Variants in NEFL observed in about 807,000 individuals in gnomAD.
The protein encoded by NEFL is neurofilament light chain.
Under a neutral mutation model 51.6 loss-of-function variants are expected in NEFL, and 36 were observed. The observed-to-expected ratio is 0.70, with a 90% confidence interval of 0.53 to 0.92. NEFL has a LOEUF of 0.92. Ranked by LOEUF, NEFL falls within the 40% of genes least tolerant of loss-of-function variation. The pLI is 0.00. For missense variants in NEFL, 671 were observed against 722.0 expected, an observed-to-expected ratio of 0.93 and a Z score of 0.81; for synonymous variants, 332 against 302.5, an observed-to-expected ratio of 1.10 and a Z score of -1.01.
chr8:24,953,682 T>C lies in NEFL; in HGVS notation c.1283A>G (p.Gln428Arg). The C allele has an allele frequency of 1.2e-6, 2 of 1,613,998 alleles. No homozygotes were observed. Among genetic ancestry groups the C allele is most frequent in the Non-Finnish European group, 1.7e-6 (2 of 1,179,884 alleles). Reference sequence around the variant, plus strand: ...GGTGGACATCAGATAGGAGCTGGTCTGTAAACCGCCGTAGGCAGATCGGCC... The same window carrying C: ...GGTGGACATCAGATAGGAGCTGGTCCGTAAACCGCCGTAGGCAGATCGGCC... Reference protein sequence around the residue: ...VFGRSAYGGLQTSSYLMSTRS... With the variant: ...VFGRSAYGGLRTSSYLMSTRS... The change falls in exon 3 of 4, where the codon CAG becomes CGG. Residue 428 changes from glutamine to arginine, a missense_variant. Coordinates refer to ENST00000610854, the MANE Select transcript of NEFL (RefSeq NM_006158.5).
In NEFL at chr8:24,951,718, A is replaced by C. The variant is rs779544077; in HGVS notation, c.*1092T>G. ...TGAGGCAACAGAATTACGCTTAACA[A>C]CACACTAAATCATGAGCTCAGGATT... On this transcript the variant is annotated 3_prime_UTR_variant, in exon 4 of 4. Coordinates refer to ENST00000610854, the MANE Select transcript of NEFL (RefSeq NM_006158.5). 6 of 152,668 alleles carry C rather than the reference A, an allele frequency of 3.9e-5. No individual in the cohort carries two copies. Among genetic ancestry groups the C allele is most frequent in the Non-Finnish European group, 7.3e-5 (5 of 68,040 alleles). 9.5% of individuals were successfully genotyped at this position (152,668 alleles called of 1,614,324 possible).
chr8:24,956,497 C>A lies in NEFL; in HGVS notation c.19G>T (p.Glu7Ter). The A allele has an allele frequency of 1.9e-6, 3 of 1,598,784 alleles. No individual in the cohort carries two copies. Among genetic ancestry groups the A allele is most frequent in the Non-Finnish European group, 2.6e-6 (3 of 1,173,970 alleles). Residue 7 changes from glutamate (E) to a stop codon, truncating the protein, a stop_gained, in exon 1 of 4, where the codon GAG becomes TAG. Coordinates refer to ENST00000610854, the MANE Select transcript of NEFL (RefSeq NM_006158.5). LOFTEE classifies it high-confidence loss of function. This position sits in a 1 kb window ranked among gnomAD's most constrained non-coding sequence, Gnocchi z 5.9. Reference protein sequence around the residue: MSSFSYEPYYSTSYKRR... With the variant: MSSFSY ...TTGTAGGAGGTCGAGTAGTACGGCTCGTAGCTGAAGGAACTCATGGTGGCG... is the reference window on the plus strand; with the variant it reads ...TTGTAGGAGGTCGAGTAGTACGGCTAGTAGCTGAAGGAACTCATGGTGGCG...
chr8:24,953,087 C>T, intron 3 of NEFL, 135 bp from the exon 4 acceptor site: 1 of 1,088,564 alleles, frequency 9.2e-7, no homozygotes, highest in Non-Finnish European at 1.3e-6. Context: ...TCTCCAAAAG[C>T]ACATGTAACA....
At position 24,951,102 on chromosome 8, in the gene NEFL, C is replaced by T. The variant is rs1053566286; in HGVS notation, c.*1708G>A. The T allele has an allele frequency of 6.5e-5, 10 of 152,734 alleles. No individual in the cohort carries two copies. Among genetic ancestry groups the T allele is most frequent in the Admixed American group, 5.9e-4 (9 of 15,288 alleles). The allele number at this position is 152,734 out of a possible 1,614,324, so 9.5% of individuals were successfully genotyped here. A position where few individuals can be genotyped will look rare whatever the true frequency, so the allele number is the denominator to read the frequency against. ...ATAGCTTGCATCTGTTTGAGACTTA[C>T]CATGTACATCAACCCAGGTCTAGTA... On this transcript the variant is annotated 3_prime_UTR_variant, in exon 4 of 4. Transcript: ENST00000610854.
Position 24,956,095 on chromosome 8 carries a change from G to T in NEFL, c.421C>A (p.Gln141Lys). 6.2e-7 allele frequency: 1 copy of T among 1,606,176 alleles called. No homozygotes were observed. ...EPSRFRALYEQEIRDLRLAAE... is the reference protein window; with the variant it reads ...EPSRFRALYEKEIRDLRLAAE... ...GCCAGGCGCAGGTCGCGGATCTCCT[G>T]CTCGTACAGCGCCCGGAAGCGGGAT... The change falls in exon 1 of 4, where the codon CAG (glutamine) becomes AAG (lysine). Residue 141 changes from glutamine to lysine, a missense_variant. Physicochemically the swap from Gln to Lys is moderately conservative, Grantham distance 53. Transcript: ENST00000610854. The surrounding 1 kb of genome is among the most constrained non-coding windows in gnomAD (Gnocchi z 5.9).
At position 24,956,598 on chromosome 8, in the gene NEFL, T is replaced by G; in HGVS notation, c.-83A>C. ...CAGGGGAGAGAGGGAAGGGGGAGGA[T>G]GGATGGCTGTGTGCGGCTCGGCGCC... On this transcript the variant is annotated 5_prime_UTR_variant, in exon 1 of 4. Coordinates refer to ENST00000610854, the MANE Select transcript of NEFL (RefSeq NM_006158.5). The surrounding 1 kb of genome is among the most constrained non-coding windows in gnomAD (Gnocchi z 5.9). The G allele has an allele frequency of 1.4e-5, 17 of 1,250,930 alleles. No individual in the cohort carries two copies. Among genetic ancestry groups the G allele is most frequent in the Non-Finnish European group, 1.7e-5 (15 of 876,280 alleles). 77.5% of individuals were successfully genotyped at this position (1,250,930 alleles called of 1,614,324 possible).
chr8:24,955,697 C>A lies in NEFL; in HGVS notation c.819G>T (p.Met273Ile). Residue 273 changes from methionine (M) to isoleucine (I), a missense_variant, in exon 1 of 4, where the codon ATG (methionine) becomes ATT (isoleucine). Met to Ile is a conservative substitution (Grantham distance 10, BLOSUM62 1). Coordinates refer to ENST00000610854, the MANE Select transcript of NEFL (RefSeq NM_006158.5). The surrounding 1 kb of genome is among the most constrained non-coding windows in gnomAD (Gnocchi z 4.0). ...TCTTGAACCATTCCTCAGCGTTCTG[C>A]ATGTTCTTGGCGGCCAGCTTCTCGT... Reference protein sequence around the residue: ...AQYEKLAAKNMQNAEEWFKSR... With the variant: ...AQYEKLAAKNIQNAEEWFKSR... 6.2e-7 allele frequency: 1 copy of A among 1,613,932 alleles called. No individual in the cohort carries two copies. The highest frequency in any genetic ancestry group is 8.5e-7 in the Non-Finnish European group (1 of 1,179,894).
chr8:24,951,738 A>AGT lies in NEFL; in HGVS notation c.*1071_*1072insAC, dbSNP rs1802972094. On this transcript the variant is annotated 3_prime_UTR_variant, in exon 4 of 4. Transcript: ENST00000610854. ...TAACAACACACTAAATCATGAGCTC[A>AGT]GGATTGCAGGCAACATGTTTGCAGT... 6.5e-6 allele frequency: 1 copy of AGT among 152,690 alleles called. No individual in the cohort carries two copies. The highest frequency in any genetic ancestry group is 2.4e-5 in the African/African-American group (1 of 41,472). 9.5% of individuals were successfully genotyped at this position (152,690 alleles called of 1,614,324 possible).
rs760359146 is a variant in NEFL, at chr8:24,952,660, T to C, written c.*150A>G. 2.4e-6 allele frequency: 3 copies of C among 1,235,874 alleles called. No individual in the cohort carries two copies. The highest frequency in any genetic ancestry group is 5.0e-5 in the Admixed American group (2 of 40,022). 76.6% of individuals were successfully genotyped at this position (1,235,874 alleles called of 1,614,324 possible). On this transcript the variant is annotated 3_prime_UTR_variant, in exon 4 of 4. Transcript: ENST00000610854. ...TAAAGAGGAAATTCATAGCACAACA[T>C]TGAATGTCCAACCTAAGTCATCTCA...
At position 24,952,910 on chromosome 8, in the gene NEFL, CCTT is replaced by C. The variant is rs570816238; in HGVS notation, c.1529_1531del (p.Glu510del). The C allele has an allele frequency of 9.6e-5, 153 of 1,596,522 alleles. No individual in the cohort carries two copies. Among genetic ancestry groups the C allele is most frequent in the South Asian group, 1.3e-4 (12 of 90,246 alleles). ...TTCCTCTCCTTCTTCACCTTCACCT[CCTT>C]CTTCTTCTTCTTTTGCTTCTTCAGA... On this transcript the variant is annotated inframe_deletion, in exon 4 of 4. Coordinates refer to ENST00000610854, the MANE Select transcript of NEFL (RefSeq NM_006158.5).
In NEFL at chr8:24,956,327, C is replaced by A. The variant is rs59408749; in HGVS notation, c.189G>T (p.Ser63=). ...VRRSYSSSSG[S]LMPSLENLDL... ...CGAGGTTCTCCAGACTGGGCATCAA[C>A]GATCCAGAGCTGGAGGAGTAGCTGC... Residue 63 remains serine (S), a synonymous_variant, in exon 1 of 4, where the codon TCG becomes TCT. Transcript: ENST00000610854. The surrounding 1 kb of genome is among the most constrained non-coding windows in gnomAD (Gnocchi z 5.9). 1 of 1,610,178 alleles carries A rather than the reference C, an allele frequency of 6.2e-7. No individual in the cohort carries two copies. Among genetic ancestry groups the A allele is most frequent in the Non-Finnish European group, 8.5e-7 (1 of 1,178,360 alleles).
Position 24,952,642 on chromosome 8 carries a change from G to A in NEFL, c.*168C>T. 3 of 1,117,682 alleles carry A rather than the reference G, an allele frequency of 2.7e-6. No homozygotes were observed. The South Asian group carries it at 5.0e-5, about 19-fold the overall frequency. 69.2% of individuals were successfully genotyped at this position (1,117,682 alleles called of 1,614,324 possible). ...GCAAACAGATACTCTGCATAAAGAG[G>A]AAATTCATAGCACAACATTGAATGT... is the stretch of plus-strand genomic sequence containing the variant. On this transcript the variant is annotated 3_prime_UTR_variant, in exon 4 of 4. Coordinates refer to ENST00000610854, the MANE Select transcript of NEFL (RefSeq NM_006158.5).
Position 24,954,232 on chromosome 8 carries a change from T to C in NEFL, c.1118A>G (p.Gln373Arg). ...AGCCATCTTCACGTTGAGGAGGTCT[T>C]GGTATTCTTTTAGGTATCGTGCCAT... ...SEMARYLKEY[Q>R]DLLNVKMALD... Residue 373 changes from glutamine (Q) to arginine (R), a missense_variant, in exon 2 of 4, where the codon CAA (glutamine) becomes CGA (arginine). Physicochemically the swap from Gln to Arg is conservative, Grantham distance 43. Transcript: ENST00000610854. 1 of 1,613,994 alleles carries C rather than the reference T, an allele frequency of 6.2e-7. No homozygotes were observed. The highest frequency in any genetic ancestry group is 8.5e-7 in the Non-Finnish European group (1 of 1,179,872).
rs373892107 is a variant in NEFL, at chr8:24,955,452, T to C, written c.1044+20A>G. The stretch of plus-strand genomic sequence containing the variant: ...CTTGCTCGAGTCCCCCGCCCCCCTG[T>C]GTTTCTGGCCGTGCCGCACCTGCAT... On this transcript the variant is annotated intron_variant, in intron 1 of 3. Transcript: ENST00000610854. This position sits in a 1 kb window ranked among gnomAD's most constrained non-coding sequence, Gnocchi z 4.0. 2 of 638,360 alleles carry C rather than the reference T, an allele frequency of 3.1e-6. No individual in the cohort carries two copies. The highest frequency in any genetic ancestry group is 1.7e-5 in the South Asian group (1 of 60,326). 39.5% of individuals were successfully genotyped at this position (638,360 alleles called of 1,614,324 possible). A position where few individuals can be genotyped will look rare whatever the true frequency, so the allele number is the denominator to read the frequency against.
At position 24,956,177 on chromosome 8, in the gene NEFL, C is replaced by A; in HGVS notation, c.339G>T (p.Gln113His). 1 of 1,610,098 alleles carries A rather than the reference C, an allele frequency of 6.2e-7. No homozygotes were observed. ...GCTCGGCTTCCAGGACCTTGTTCTG[C>A]TGCTCCAGCTCGTGCACGCGCTCGA... ...SFIERVHELE[Q>H]QNKVLEAELL... The change falls in exon 1 of 4, where the codon CAG becomes CAT. Residue 113 changes from glutamine to histidine, a missense_variant. Coordinates refer to ENST00000610854, the MANE Select transcript of NEFL (RefSeq NM_006158.5). This position sits in a 1 kb window ranked among gnomAD's most constrained non-coding sequence, Gnocchi z 5.9.
rs1803060442 is a variant in NEFL, at chr8:24,956,541, C to CGCG, written c.-29_-27dup. On this transcript the variant is annotated 5_prime_UTR_variant, in exon 1 of 4. Coordinates refer to ENST00000610854, the MANE Select transcript of NEFL (RefSeq NM_006158.5). This position sits in a 1 kb window ranked among gnomAD's most constrained non-coding sequence, Gnocchi z 5.9. ...GGTGGCGGCCGGTGGCTCCCCGGCC[C>CGCG]GCGGCGGCGGTGGGAGCCCGGAGAG... 6.4e-7 allele frequency: 1 copy of CGCG among 1,566,548 alleles called. No individual in the cohort carries two copies. The highest frequency in any genetic ancestry group is 8.6e-7 in the Non-Finnish European group (1 of 1,156,868).
Position 24,955,559 on chromosome 8 carries a change from G to C in NEFL, c.957C>G (p.Ile319Met), listed in dbSNP as rs758135536. The C allele has an allele frequency of 6.2e-7, 1 of 1,613,454 alleles. No homozygotes were observed. Among genetic ancestry groups the C allele is most frequent in the Non-Finnish European group, 8.5e-7 (1 of 1,179,870 alleles). The change falls in exon 1 of 4, where the codon ATC (isoleucine) becomes ATG (methionine). Residue 319 changes from isoleucine to methionine, a missense_variant. Transcript: ENST00000610854. This position sits in a 1 kb window ranked among gnomAD's most constrained non-coding sequence, Gnocchi z 4.0. ...RRLLKAKTLE[I>M]EACRGMNEAL... ...CTTCATTCATGCCCCGGCATGCTTC[G>C]ATTTCCAGGGTCTTGGCCTTGAGCA...
chr8:24,956,315 A>G lies in NEFL; in HGVS notation c.201T>C (p.Ser67=), dbSNP rs2117255733. ...YSSSSGSLMP[S]LENLDLSQVA... is the part of the protein sequence containing the mutation. ...CCTGGCTCAGGTCGAGGTTCTCCAG[A>G]CTGGGCATCAACGATCCAGAGCTGG... The change falls in exon 1 of 4, where the codon AGT becomes AGC. Residue 67 remains serine (S), a synonymous_variant. Coordinates refer to ENST00000610854, the MANE Select transcript of NEFL (RefSeq NM_006158.5). The surrounding 1 kb of genome is among the most constrained non-coding windows in gnomAD (Gnocchi z 5.9). The G allele has an allele frequency of 6.2e-7, 1 of 1,610,574 alleles. No individual in the cohort carries two copies. The highest frequency in any genetic ancestry group is 8.5e-7 in the Non-Finnish European group (1 of 1,178,566).
Position 24,955,704 on chromosome 8 carries a change from T to C in NEFL, c.812A>G (p.Lys271Arg), listed in dbSNP as rs1803038808. 2 of 1,613,814 alleles carry C rather than the reference T, an allele frequency of 1.2e-6. No individual in the cohort carries two copies. Among genetic ancestry groups the C allele is most frequent in the South Asian group, 1.1e-5 (1 of 91,090 alleles). ...IRAQYEKLAA[K>R]NMQNAEEWFK... is the part of the protein sequence containing the mutation. ...CCATTCCTCAGCGTTCTGCATGTTC[T>C]TGGCGGCCAGCTTCTCGTACTGCGC... The change falls in exon 1 of 4, where the codon AAG (lysine) becomes AGG (arginine). Residue 271 changes from lysine (K) to arginine (R), a missense_variant. Coordinates refer to ENST00000610854, the MANE Select transcript of NEFL (RefSeq NM_006158.5). The surrounding 1 kb of genome is among the most constrained non-coding windows in gnomAD (Gnocchi z 4.0).
Sources: allele counts gnomAD v4.1 joint callset, GRCh38; gene constraint gnomAD v4.1.1; non-coding constraint Gnocchi (gnomAD v3.1); transcripts MANE v1.5; gene names NCBI Gene and HGNC (gene_info 2026-07-23, HGNC 2026-07-21).